The following MACROD2 variants were observed in gnomAD, a reference collection of about 807,000 sequenced individuals.
The protein encoded by MACROD2 is mono-ADP ribosylhydrolase 2.
In MACROD2, 36 loss-of-function variants were observed where a neutral mutation model predicts 70.4. The ratio of observed to expected loss-of-function variants is 0.51; its 90% CI spans 0.39 to 0.68. MACROD2 has a LOEUF of 0.68. Among genes scored for constraint, MACROD2 ranks in the 30% least tolerant of loss-of-function variants. The pLI, the probability that MACROD2 is intolerant of heterozygous loss-of-function variation, is 0.00. For missense variants in MACROD2, 496 were observed against 538.4 expected, an observed-to-expected ratio of 0.92 and a Z score of 0.78; for synonymous variants, 172 against 178.8, an observed-to-expected ratio of 0.96 and a Z score of 0.30.
intron 15 of MACROD2, among the ~76,000 whole-genome samples, chr20:16,026,020 G>T (rs2067074737): frequency 6.6e-6 from 1 of 152,018 alleles, no homozygotes; most frequent in Non-Finnish European, 1.5e-5. Context: ...GGGCGTGGTG[G>T]TGGGTGCCTG....
intron 3 of MACROD2, among the ~76,000 whole-genome samples, chr20:14,358,165 A>G (rs2083190478): frequency 6.6e-6 from 1 of 152,232 alleles, no homozygotes; most frequent in Admixed American, 6.5e-5. Context: ...CTGTATAACA[A>G]TTTAGTTTAC....
chr20:14,518,278 G>T (rs2085125549), intron 4 of MACROD2, among the ~76,000 whole-genome samples: 1 of 151,868 alleles, frequency 6.6e-6, no homozygotes, highest in African/African-American at 2.4e-5. Flanking sequence ...TTTGAATCCA[G>T]CTACTGTATT....
intron 6 of MACROD2, among the ~76,000 whole-genome samples, chr20:15,365,451 G>T (rs976092403): frequency 7.2e-5 from 11 of 151,984 alleles, no homozygotes; most frequent in African/African-American, 2.4e-4. Context: ...GGATCACGAG[G>T]TCTGGAGATT....
At chr20:16,010,799 T>TCG (rs1221681292) in intron 15 of MACROD2, among the ~76,000 whole-genome samples, 2 of 152,148 alleles carry the variant, frequency 1.3e-5, no homozygotes, top group African/African-American at 4.8e-5. Flanking sequence ...CCTGTGAATC[T>TCG]CGATTATTTA....
intron 8 of MACROD2, among the ~76,000 whole-genome samples, chr20:15,568,127 GT>G (rs2048332206): frequency 1.3e-5 from 2 of 152,190 alleles, no homozygotes; most frequent in Admixed American, 6.5e-5. Context: ...AAAGCCCTGT[GT>G]TTCCTGTGGA....
At chr20:15,861,906 A>G (rs1601010994) in intron 8 of MACROD2, among the ~76,000 whole-genome samples, 1 of 152,130 alleles carries the variant, frequency 6.6e-6, no homozygotes, top group Non-Finnish European at 1.5e-5. Flanking sequence ...AGTGCTTTTC[A>G]ATTTTTTTAT....
intron 5 of MACROD2, among the ~76,000 whole-genome samples, chr20:14,824,940 T>C (rs895912904): frequency 6.6e-6 from 1 of 152,078 alleles, no homozygotes; most frequent in Non-Finnish European, 1.5e-5. Flanking sequence ...CCATTTTCCA[T>C]TTAAGATAAA....
At chr20:15,999,914 T>C (rs1281784104) in intron 15 of MACROD2, among the ~76,000 whole-genome samples, 2 of 152,200 alleles carry the variant, frequency 1.3e-5, no homozygotes, top group African/African-American at 2.4e-5. Context: ...TTTCTGGCCA[T>C]GCCACGGAGT....
chr20:15,354,139 G>T (rs1256974766), intron 6 of MACROD2, among the ~76,000 whole-genome samples: 1 of 151,598 alleles, frequency 6.6e-6, no homozygotes, highest in Non-Finnish European at 1.5e-5. Context: ...AGAAAATGTG[G>T]CACATATACA....
At chr20:14,586,812 C>G (rs2123363066) in intron 4 of MACROD2, among the ~76,000 whole-genome samples, 1 of 152,104 alleles carries the variant, frequency 6.6e-6, no homozygotes, top group Non-Finnish European at 1.5e-5. Context: ...TTCTGTGTCA[C>G]TGTCCTGGGT....
rs552143381 is a variant in MACROD2, at chr20:15,433,591, C to A, written c.571+2156C>A. 5.9e-5 allele frequency among the ~76,000 whole-genome samples: 9 copies of A among 151,544 alleles called. No homozygotes were observed. In the South Asian group the frequency reaches 1.9e-3, roughly 31 times the overall value. The stretch of plus-strand genomic sequence containing the variant: ...ATGACACAAACAAATGGAAATATAT[C>A]CCATGCTCATGGATGGGTAGAATCA... On this transcript the variant is annotated intron_variant, in intron 7 of 17. Transcript: ENST00000684519.
intron 6 of MACROD2, among the ~76,000 whole-genome samples, chr20:15,411,516 T>C (rs1785773112): frequency 6.6e-6 from 1 of 152,204 alleles, no homozygotes; most frequent in South Asian, 2.1e-4. Context: ...TTCTCATCTG[T>C]CTTTGAAAGC....
intron 3 of MACROD2, among the ~76,000 whole-genome samples, chr20:14,407,228 T>C (rs1197365726): frequency 1.3e-5 from 2 of 152,128 alleles, no homozygotes; most frequent in Non-Finnish European, 2.9e-5. Context: ...TTTTGTTTTC[T>C]CTTGGGGTTT....
chr20:15,387,670 C>A (rs1024685888), intron 6 of MACROD2, among the ~76,000 whole-genome samples: 5 of 151,900 alleles, frequency 3.3e-5, no homozygotes, highest in Non-Finnish European at 5.9e-5. Context: ...CACACTCAGA[C>A]CTTACAGGCA....
intron 8 of MACROD2, among the ~76,000 whole-genome samples, chr20:15,639,101 G>GTGGA (rs1289247886): frequency 6.6e-6 from 1 of 151,798 alleles, no homozygotes; most frequent in East Asian, 1.9e-4. Flanking sequence ...CCTGGGCACA[G>GTGGA]TGGAAGGAAC....
At chr20:15,610,119 C>G (rs370930606) in intron 8 of MACROD2, among the ~76,000 whole-genome samples, 3 of 152,144 alleles carry the variant, frequency 2.0e-5, no homozygotes, top group African/African-American at 7.2e-5. Context: ...GTAAACTGCT[C>G]CCTAGCTCAT....
intron 4 of MACROD2, among the ~76,000 whole-genome samples, chr20:14,519,777 G>A (rs972940689): frequency 6.6e-5 from 10 of 152,060 alleles, no homozygotes; most frequent in East Asian, 5.8e-4. Context: ...TATGTTAATC[G>A]CAGCACTATT....
At chr20:15,461,006 ATTT>A (rs951397131) in intron 7 of MACROD2, among the ~76,000 whole-genome samples, 46 of 67,022 alleles carry the variant, frequency 6.9e-4, no homozygotes, top group African/African-American at 1.8e-3. Context: ...ATATATATAT[ATTT>A]TTTTTTAATA....
intron 8 of MACROD2, among the ~76,000 whole-genome samples, chr20:15,613,864 G>T (rs1185108402): frequency 6.6e-6 from 1 of 152,196 alleles, no homozygotes; most frequent in Non-Finnish European, 1.5e-5. Context: ...GAATACAGAG[G>T]CATAGTGACT....
Sources: allele counts gnomAD v4.1 joint callset (sites outside exome capture counted in the v4.1 genomes callset), GRCh38; gene constraint gnomAD v4.1.1; transcripts MANE v1.5; gene names NCBI Gene and HGNC (gene_info 2026-07-23, HGNC 2026-07-21).